The following OXSR1 variants were observed in gnomAD, a reference collection of about 807,000 sequenced individuals.
The protein encoded by OXSR1 is serine/threonine-protein kinase OSR1.
OXSR1 carries 24 observed loss-of-function variants against 79.8 expected under a neutral mutation model. That is an observed-to-expected ratio of 0.30 (90% CI 0.22 to 0.42). The LOEUF (loss-of-function observed/expected upper bound fraction) is 0.42, where lower values mean the gene tolerates loss of function less well. OXSR1 is among the 10% of genes least tolerant of loss of function. The pLI is 1.00. For synonymous variants in OXSR1, 226 were observed against 209.2 expected (o/e 1.08, Z -0.69); for missense variants, 430 against 618.4 (o/e 0.70, Z 3.23).
intron 4 of OXSR1, among the ~76,000 whole-genome samples, chr3:38,205,859 G>A (rs1242413237): frequency 6.6e-6 from 1 of 152,168 alleles, no homozygotes; most frequent in African/African-American, 2.4e-5. Context: ...AAGCATAAAA[G>A]GTTTCTCAGG....
chr3:38,177,495 A>G (rs1027804657), intron 1 of OXSR1, among the ~76,000 whole-genome samples: 4 of 152,230 alleles, frequency 2.6e-5, no homozygotes, highest in African/African-American at 4.8e-5. Context: ...ACTGTTGTCA[A>G]AATTGTTTAT....
chr3:38,166,293 G>A (rs907367629), intron 1 of OXSR1, among the ~76,000 whole-genome samples: 6 of 152,124 alleles, frequency 3.9e-5, no homozygotes, highest in African/African-American at 1.4e-4. Context: ...TGTGAGAAAT[G>A]GGATCTTGAA....
At chr3:38,189,580 C>T (rs1014651678) in intron 2 of OXSR1, among the ~76,000 whole-genome samples, 4 of 152,164 alleles carry the variant, frequency 2.6e-5, no homozygotes, top group African/African-American at 7.2e-5. Flanking sequence ...GGATTATGGA[C>T]GACTTTCACA....
At chr3:38,186,554 G>A (rs1701889824) in intron 2 of OXSR1, among the ~76,000 whole-genome samples, 1 of 152,082 alleles carries the variant, frequency 6.6e-6, no homozygotes, top group South Asian at 2.1e-4. Context: ...ATATAAATAG[G>A]TTCATACAAT....
intron 1 of OXSR1, among the ~76,000 whole-genome samples, chr3:38,174,538 C>T (rs989552204): frequency 3.3e-5 from 5 of 152,028 alleles, no homozygotes; most frequent in African/African-American, 4.8e-5. Context: ...GCCGAGATGG[C>T]GCCACTGCAC....
At chr3:38,241,629 C>G (rs1703037445) in intron 11 of OXSR1, among the ~76,000 whole-genome samples, 1 of 151,638 alleles carries the variant, frequency 6.6e-6, no homozygotes, top group African/African-American at 2.4e-5. Flanking sequence ...AAAGTGAGCA[C>G]CCAAATGATA....
chr3:38,177,847 C>G (rs1701702754), intron 1 of OXSR1, among the ~76,000 whole-genome samples: 1 of 152,040 alleles, frequency 6.6e-6, no homozygotes, highest in African/African-American at 2.4e-5. Flanking sequence ...CTCAGCTTCC[C>G]AAAGTGCTGA....
chr3:38,178,461 C>T (rs1359227160), intron 1 of OXSR1, among the ~76,000 whole-genome samples: 2 of 151,472 alleles, frequency 1.3e-5, no homozygotes, highest in Non-Finnish European at 2.9e-5. Flanking sequence ...ATTTTGGAGA[C>T]AAGAGTCTTG....
chr3:38,248,279 C>T (rs1455728617), intron 14 of OXSR1, among the ~76,000 whole-genome samples: 1 of 151,950 alleles, frequency 6.6e-6, no homozygotes, highest in Non-Finnish European at 1.5e-5. Flanking sequence ...GAGGTCCTGA[C>T]AGATTGCTCA....
chr3:38,180,158 G>T lies in OXSR1; in HGVS notation c.71-2845G>T, dbSNP rs115419083. Among the ~76,000 whole-genome samples, 1,079 of 152,218 alleles carry T rather than the reference G, an allele frequency of 7.1e-3. 18 individuals are homozygous for T. Among genetic ancestry groups the T allele is most frequent in the African/African-American group, 0.025 (1,035 of 41,530 alleles). ...AGGGTTTCTCCATGTTGGCCAGCCTGGTCTCGAACTCTGGTTTCAAGTGAT... is the reference window on the plus strand; with the variant it reads ...AGGGTTTCTCCATGTTGGCCAGCCTTGTCTCGAACTCTGGTTTCAAGTGAT... On this transcript the variant is annotated intron_variant, in intron 1 of 17. Transcript: ENST00000311806.
chr3:38,236,024 C>T lies in OXSR1; in HGVS notation c.952-815C>T, dbSNP rs34725906. On this transcript the variant is annotated intron_variant, in intron 10 of 17. Transcript: ENST00000311806. ...AGAGTCTTCTTCAAGAAGATGATAC[C>T]GACAGAATACCCATTTGAATGTGGT... is the stretch of plus-strand genomic sequence containing the variant. 4.0e-3 allele frequency among the ~76,000 whole-genome samples: 607 copies of T among 151,942 alleles called. 7 individuals are homozygous for T. The highest frequency in any genetic ancestry group is 0.014 in the African/African-American group (582 of 41,426).
At chr3:38,238,440 T>G (rs751301769) in intron 11 of OXSR1, among the ~76,000 whole-genome samples, 1 of 152,090 alleles carries the variant, frequency 6.6e-6, no homozygotes, top group Non-Finnish European at 1.5e-5. Context: ...AATGCTCTTA[T>G]GTAGATCCAG....
rs1253227597 is a variant in OXSR1, at chr3:38,188,991, G to A, written c.184-1740G>A. ...TACCTGGCACGTAGTAGGGATTATA[G>A]TAGGTGCTTAGTATTGTTAATATGT... is the stretch of plus-strand genomic sequence containing the variant. On this transcript the variant is annotated intron_variant, in intron 2 of 17. Coordinates refer to ENST00000311806, the MANE Select transcript of OXSR1 (RefSeq NM_005109.3). Among the ~76,000 whole-genome samples the A allele has an allele frequency of 2.0e-5, 3 of 152,288 alleles. No homozygotes were observed. In the East Asian group the frequency reaches 5.8e-4, roughly 29 times the overall value.
At chr3:38,248,053 A>G (rs1473830040) in intron 14 of OXSR1, among the ~76,000 whole-genome samples, 2 of 152,190 alleles carry the variant, frequency 1.3e-5, no homozygotes, top group Non-Finnish European at 2.9e-5. Context: ...TTAGGGGAGC[A>G]GCACTAACTG....
chr3:38,212,449 A>G (rs543223000), intron 4 of OXSR1, among the ~76,000 whole-genome samples: 1 of 152,284 alleles, frequency 6.6e-6, no homozygotes, highest in African/African-American at 2.4e-5. Flanking sequence ...TATCTACCCA[A>G]ATATTTTTCC....
Position 38,254,772 on chromosome 3 carries a change from G to A in OXSR1, c.*1881G>A, listed in dbSNP as rs138763538. On this transcript the variant is annotated 3_prime_UTR_variant, in exon 18 of 18. Transcript: ENST00000311806. ...TACTTATTTATGAATCCAAGGGGTG[G>A]CAGCATCACTCTGTTCTAGCATTCT... 240 of 152,130 alleles carry A rather than the reference G, an allele frequency of 1.6e-3. No homozygotes were observed. The highest frequency in any genetic ancestry group is 1.6e-3 in the Non-Finnish European group (112 of 67,944). The allele number at this position is 152,130 out of a possible 1,614,324, so 9.4% of individuals were successfully genotyped here. A position where few individuals can be genotyped will look rare whatever the true frequency, so the allele number is the denominator to read the frequency against.
chr3:38,187,223 A>G (rs979996926), intron 2 of OXSR1, among the ~76,000 whole-genome samples: 1 of 152,218 alleles, frequency 6.6e-6, no homozygotes, highest in African/African-American at 2.4e-5. Context: ...CATATTATAT[A>G]GAATATACTC....
chr3:38,253,126 T>G lies in OXSR1; in HGVS notation c.*235T>G. The stretch of plus-strand genomic sequence containing the variant: ...TCCGTTAGTAAACTTACTTCATATG[T>G]CCCCTGTCTTCCTCCATCTGAGAAG... On this transcript the variant is annotated 3_prime_UTR_variant, in exon 18 of 18. Transcript: ENST00000311806. 1 of 515,434 alleles carries G rather than the reference T, an allele frequency of 1.9e-6. No homozygotes were observed. Among genetic ancestry groups the G allele is most frequent in the Non-Finnish European group, 3.5e-6 (1 of 287,912 alleles). 31.9% of individuals were successfully genotyped at this position (515,434 alleles called of 1,614,324 possible).
intron 2 of OXSR1, among the ~76,000 whole-genome samples, chr3:38,186,775 G>A (rs1701893672): frequency 6.6e-6 from 1 of 152,162 alleles, no homozygotes; most frequent in African/African-American, 2.4e-5. Flanking sequence ...GAACATCTGT[G>A]TGCAAGTCTT....
Sources: gnomAD v4.1 joint callset for allele counts (sites outside exome capture counted in the v4.1 genomes callset) on GRCh38, gnomAD v4.1.1 for gene constraint, MANE v1.5 for transcripts, NCBI Gene and HGNC (gene_info 2026-07-23, HGNC 2026-07-21) for gene names.